EPS15: variants seen among roughly 807,000 people sequenced by gnomAD.
EPS15 encodes the protein epidermal growth factor receptor pathway substrate 15.
In EPS15, 72 loss-of-function variants were observed where a neutral mutation model predicts 113.8. The observed-to-expected ratio is 0.63, with a 90% confidence interval of 0.52 to 0.77. The LOEUF (loss-of-function observed/expected upper bound fraction) is 0.77, where lower values mean the gene tolerates loss of function less well. Among genes scored for constraint, EPS15 ranks in the 30% least tolerant of loss-of-function variants. The probability of loss-of-function intolerance (pLI) is 0.00; values close to 1 mark genes in which losing one functional copy is unlikely to be tolerated. For missense variants in EPS15, 1,048 were observed against 1,045.8 expected (o/e 1.00, Z -0.03); for synonymous variants, 344 against 363.4 (o/e 0.95, Z 0.61).
At chr1:51,430,543 G>A (rs1651622608) in intron 12 of EPS15, among the ~76,000 whole-genome samples, 1 of 150,854 alleles carries the variant, frequency 6.6e-6, no homozygotes, top group African/African-American at 2.4e-5. Context: ...ACTCCTGCCT[G>A]GGTGACAGAG....
intron 21 of EPS15, among the ~76,000 whole-genome samples, chr1:51,377,895 CTTTT>C (rs1209383457): frequency 7.3e-6 from 1 of 136,544 alleles, no homozygotes; most frequent in African/African-American, 2.7e-5. Context: ...TAATCATTAG[CTTTT>C]TTTTTTTTTT....
intron 8 of EPS15, among the ~76,000 whole-genome samples, chr1:51,448,524 T>G (rs573297155): frequency 2.6e-5 from 4 of 152,194 alleles, no homozygotes; most frequent in South Asian, 4.1e-4. Flanking sequence ...TTTGAAGAGA[T>G]ATTTTACAGA....
intron 13 of EPS15, among the ~76,000 whole-genome samples, chr1:51,415,588 G>A (rs1172064410): frequency 6.6e-6 from 1 of 151,856 alleles, no homozygotes; most frequent in African/African-American, 2.4e-5. Flanking sequence ...CCTGAGGTCA[G>A]AAGTTCGAGA....
rs114527971 is a variant in EPS15, at chr1:51,450,417, G to T, written c.562-2282C>A. 9.2e-4 allele frequency among the ~76,000 whole-genome samples: 140 copies of T among 151,914 alleles called. 5 individuals are homozygous for T. Among genetic ancestry groups the T allele is most frequent in the African/African-American group, 3.3e-3 (136 of 41,210 alleles). The stretch of plus-strand genomic sequence containing the variant: ...GCATCCAATCATGGCAGAAGGCAAA[G>T]GGGGTGCAGACGTGTCACATGGCAA... On this transcript the variant is annotated intron_variant, in intron 8 of 24. Transcript: ENST00000371733.
At position 51,364,021 on chromosome 1, in the gene EPS15, T is replaced by A. The variant is rs201534515; in HGVS notation, c.2204A>T (p.Asn735Ile). Residue 735 changes from asparagine (N) to isoleucine (I), a missense_variant, in exon 23 of 25, where the codon AAT becomes ATT. Asn to Ile is a moderately radical substitution (Grantham distance 149). Coordinates refer to ENST00000371733, the MANE Select transcript of EPS15 (RefSeq NM_001981.3). ...ADFSTLSKVN[N>I]EDPFRSATSS... ...TGTGGCTGAACGAAAAGGATCTTCA[T>A]TGTTGACCTTTGTTTAAAAAGAAAT... is the stretch of plus-strand genomic sequence containing the variant. 1 of 1,609,158 alleles carries A rather than the reference T, an allele frequency of 6.2e-7. No individual in the cohort carries two copies. Among genetic ancestry groups the A allele is most frequent in the East Asian group, 2.2e-5 (1 of 44,782 alleles).
chr1:51,371,520 AAAG>A (rs1194639153), intron 21 of EPS15, among the ~76,000 whole-genome samples: 2 of 136,802 alleles, frequency 1.5e-5, no homozygotes, highest in African/African-American at 2.5e-5. Context: ...TTAAAAAAAA[AAAG>A]AAAAAAAAAA....
intron 10 of EPS15, 104 bp downstream of exon 10, chr1:51,446,856 G>T (rs1401119273): frequency 3.1e-6 from 3 of 964,336 alleles, no homozygotes; most frequent in African/African-American, 3.3e-5. Context: ...AAAAAATTCT[G>T]AAACAAAAAC....
At chr1:51,469,939 T>G (rs747757537) in intron 4 of EPS15, among the ~76,000 whole-genome samples, 2 of 152,040 alleles carry the variant, frequency 1.3e-5, no homozygotes, top group Non-Finnish European at 2.9e-5. Context: ...GAAGCTCTCC[T>G]CCACCAAACA....
chr1:51,409,518 A>C lies in EPS15; in HGVS notation c.1275+17T>G. The C allele has an allele frequency of 1.9e-6, 3 of 1,597,224 alleles. No homozygotes were observed. The highest frequency in any genetic ancestry group is 1.7e-6 in the Non-Finnish European group (2 of 1,175,206). ...CTAATGTATAGGTGCAGGCAGCAGG[A>C]AACAGCCAGACATTACCAGTTGGGC... is the stretch of plus-strand genomic sequence containing the variant. On this transcript the variant is annotated intron_variant, in intron 14 of 24. Transcript: ENST00000371733.
intron 12 of EPS15, among the ~76,000 whole-genome samples, chr1:51,437,879 C>T (rs1652285651): frequency 6.6e-6 from 1 of 152,082 alleles, no homozygotes; most frequent in Admixed American, 6.6e-5. Context: ...CAAACGAAAT[C>T]TGTTTATTTT....
chr1:51,479,649 C>T lies in EPS15; in HGVS notation c.75+1624G>A, dbSNP rs1328429075. On this transcript the variant is annotated intron_variant, in intron 2 of 24. Transcript: ENST00000371733. ...CAAATACTTGTATGGAATGTTTTTACTCTTTATAGCAATATAGTTATTACA... is the reference window on the plus strand; with the variant it reads ...CAAATACTTGTATGGAATGTTTTTATTCTTTATAGCAATATAGTTATTACA... 2.6e-5 allele frequency among the ~76,000 whole-genome samples: 4 copies of T among 152,322 alleles called. No homozygotes were observed. The East Asian group carries it at 5.8e-4, about 22-fold the overall frequency.
chr1:51,364,679 T>C (rs1423799543), intron 22 of EPS15, among the ~76,000 whole-genome samples: 2 of 151,714 alleles, frequency 1.3e-5, no homozygotes, highest in East Asian at 3.9e-4. Flanking sequence ...ATTTTTATTT[T>C]GTAGAGATGG....
intron 12 of EPS15, among the ~76,000 whole-genome samples, chr1:51,435,825 A>G (rs1161064732): frequency 6.6e-6 from 1 of 152,220 alleles, no homozygotes; most frequent in Non-Finnish European, 1.5e-5. Flanking sequence ...AGCCTCTGGA[A>G]GAAGAGGAAA....
At position 51,404,068 on chromosome 1, in the gene EPS15, C is replaced by T. The variant is rs528375877; in HGVS notation, c.1678-536G>A. On this transcript the variant is annotated intron_variant, in intron 16 of 24. Transcript: ENST00000371733. ...GACTTAAGAAGTAGTAGGGGCAGGC[C>T]GGATGCAGTGGCTCACACCTGTAAT... Among the ~76,000 whole-genome samples the T allele has an allele frequency of 3.9e-5, 6 of 152,224 alleles. 1 individual carries two copies. The highest frequency in any genetic ancestry group is 6.8e-3 in the Middle Eastern group (2 of 294).
At chr1:51,365,161 G>A (rs2148350325) in intron 22 of EPS15, among the ~76,000 whole-genome samples, 1 of 152,302 alleles carries the variant, frequency 6.6e-6, no homozygotes, top group South Asian at 2.1e-4. Flanking sequence ...TGTGTCTGAA[G>A]ACCCTTTCAA....
chr1:51,366,842 G>C (rs1205204524), intron 21 of EPS15, among the ~76,000 whole-genome samples: 2 of 152,104 alleles, frequency 1.3e-5, no homozygotes, highest in Non-Finnish European at 2.9e-5. Context: ...CGGCACTAAT[G>C]GCATTCTAGT....
chr1:51,503,603 C>T lies in EPS15; in HGVS notation c.33+15596G>A, dbSNP rs551586078. ...GTTGCAATGAGCCGAGTTTGCACCA[C>T]AGCACTCCAGCCTGAGCAACAGAAG... On this transcript the variant is annotated intron_variant, in intron 1 of 24. Transcript: ENST00000371733. 4.6e-5 allele frequency among the ~76,000 whole-genome samples: 7 copies of T among 152,262 alleles called. No individual in the cohort carries two copies. In the East Asian group the frequency reaches 1.3e-3, roughly 29 times the overall value.
At chr1:51,462,611 G>A (rs539370756) in intron 7 of EPS15, among the ~76,000 whole-genome samples, 5 of 152,158 alleles carry the variant, frequency 3.3e-5, no homozygotes, top group African/African-American at 1.2e-4. Context: ...CATCAGGCAG[G>A]AGAGATAGAA....
chr1:51,363,270 C>A (rs1177933860), intron 23 of EPS15, among the ~76,000 whole-genome samples: 2 of 147,858 alleles, frequency 1.4e-5, no homozygotes, highest in African/African-American at 5.0e-5. Context: ...TGTACTCCAG[C>A]CTGGGCAACA....
Sources: allele counts gnomAD v4.1 joint callset (sites outside exome capture counted in the v4.1 genomes callset), GRCh38; gene constraint gnomAD v4.1.1; transcripts MANE v1.5; gene names NCBI Gene and HGNC (gene_info 2026-07-23, HGNC 2026-07-21).